The following EYS variants were observed in gnomAD, a reference collection of about 807,000 sequenced individuals.
The protein encoded by EYS is EGF-like photoreceptor maintenance factor.
EYS carries 250 observed loss-of-function variants against 282.1 expected under a neutral mutation model. That is an observed-to-expected ratio of 0.89 (90% confidence interval 0.80 to 0.98). The LOEUF is 0.98. Ranked by LOEUF, EYS falls within the 50% of genes least tolerant of loss-of-function variation. EYS has a pLI of 0.00. For missense variants in EYS, 4,016 were observed against 3,709.0 expected (o/e 1.08, Z -2.15); for synonymous variants, 1,355 against 1,282.9 (o/e 1.06, Z -1.20).
At chr6:63,887,314 GT>G (rs35622877) in intron 35 of EYS, among the ~76,000 whole-genome samples, 158 of 120,224 alleles carry the variant, frequency 1.3e-3, no homozygotes, top group African/African-American at 4.0e-3. Context: ...AATAAAAGGT[GT>G]TTTTTTTTTT....
At chr6:64,679,006 T>C (rs137913603) in intron 22 of EYS, among the ~76,000 whole-genome samples, 15 of 152,116 alleles carry the variant, frequency 9.9e-5, no homozygotes, top group African/African-American at 3.6e-4. Flanking sequence ...AACACTTTGA[T>C]TTTTTAAAAT....
At chr6:65,705,869 A>G (rs1056461745) in intron 1 of EYS, among the ~76,000 whole-genome samples, 4 of 152,116 alleles carry the variant, frequency 2.6e-5, no homozygotes, top group African/African-American at 7.2e-5. Context: ...TGAATTATTA[A>G]CAATTGCAAT....
chr6:65,438,716 G>C (rs948557942), intron 5 of EYS, among the ~76,000 whole-genome samples: 3 of 151,764 alleles, frequency 2.0e-5, no homozygotes, highest in Non-Finnish European at 4.4e-5. Context: ...TTTTTTTCTT[G>C]TAAGTTTGTT....
At chr6:64,779,680 T>C (rs1773797437) in intron 22 of EYS, among the ~76,000 whole-genome samples, 1 of 152,186 alleles carries the variant, frequency 6.6e-6, no homozygotes. Context: ...TCAATTATAA[T>C]GTGTCCCATG....
intron 12 of EYS, among the ~76,000 whole-genome samples, chr6:65,250,740 A>T (rs924377533): frequency 3.3e-5 from 5 of 151,914 alleles, no homozygotes; most frequent in African/African-American, 1.2e-4. Context: ...ACCCATGTAT[A>T]TTATCAAAAT....
chr6:65,542,335 T>A (rs1768197517), intron 2 of EYS, among the ~76,000 whole-genome samples: 1 of 152,186 alleles, frequency 6.6e-6, no homozygotes, highest in Non-Finnish European at 1.5e-5. Context: ...TTTTACAATA[T>A]ACCATTAAAT....
intron 12 of EYS, among the ~76,000 whole-genome samples, chr6:65,114,060 C>T (rs1169838916): frequency 1.3e-5 from 2 of 151,730 alleles, no homozygotes; most frequent in Non-Finnish European, 2.9e-5. Context: ...GATAACAAAA[C>T]GTATGAGAAA....
At chr6:64,028,761 G>A (rs1769663639) in intron 33 of EYS, among the ~76,000 whole-genome samples, 1 of 152,188 alleles carries the variant, frequency 6.6e-6, no homozygotes, top group Non-Finnish European at 1.5e-5. Context: ...ATATGTGGAT[G>A]ATTTACTTCT....
intron 2 of EYS, among the ~76,000 whole-genome samples, chr6:65,552,519 A>T (rs1461989050): frequency 6.6e-6 from 1 of 152,118 alleles, no homozygotes; most frequent in Non-Finnish European, 1.5e-5. Context: ...AATATTGCAC[A>T]AACTACCAAT....
At chr6:64,410,201 C>A (rs146981790) in intron 28 of EYS, among the ~76,000 whole-genome samples, 197 of 152,230 alleles carry the variant, frequency 1.3e-3, no homozygotes, top group African/African-American at 4.5e-3. Flanking sequence ...AACATTTTAT[C>A]TTTGCATCCA....
intron 33 of EYS, among the ~76,000 whole-genome samples, chr6:64,057,311 T>A (rs1771017977): frequency 6.6e-6 from 1 of 152,034 alleles, no homozygotes; most frequent in South Asian, 2.1e-4. Flanking sequence ...CATATATTGA[T>A]GAAGCATGAG....
intron 33 of EYS, among the ~76,000 whole-genome samples, chr6:64,036,927 A>G (rs1339882558): frequency 6.6e-6 from 1 of 152,200 alleles, no homozygotes; most frequent in African/African-American, 2.4e-5. Flanking sequence ...CATGATTTCA[A>G]CTATTCTTAG....
At chr6:64,395,482 G>A (rs138230212) in intron 28 of EYS, among the ~76,000 whole-genome samples, 4,722 of 152,150 alleles carry the variant, frequency 0.031, 233 homozygotes, top group African/African-American at 0.11. Flanking sequence ...GTCCTTTGTA[G>A]GGACATGGAT....
intron 14 of EYS, among the ~76,000 whole-genome samples, chr6:64,966,295 T>C (rs1177162396): frequency 6.6e-6 from 1 of 152,186 alleles, no homozygotes; most frequent in Non-Finnish European, 1.5e-5. Flanking sequence ...GGTTTGTTAG[T>C]ATGTTTTGTC....
At position 65,598,244 on chromosome 6, in the gene EYS, C is replaced by A. The variant is rs1427386226; in HGVS notation, c.-333+41534G>T. On this transcript the variant is annotated intron_variant, in intron 2 of 42. Coordinates refer to ENST00000503581, the MANE Select transcript of EYS (RefSeq NM_001142800.2). Reference sequence around the variant, plus strand: ...AAGACCCTCCTCCCCACCCACCCCCCCCCCAAAAAAAAAAACAAAAACTTT... The same window carrying A: ...AAGACCCTCCTCCCCACCCACCCCCACCCCAAAAAAAAAAACAAAAACTTT... Among the ~76,000 whole-genome samples, 15 of 89,960 alleles carry A rather than the reference C, an allele frequency of 1.7e-4. 1 individual carries two copies. Among genetic ancestry groups the A allele is most frequent in the South Asian group, 1.2e-3 (2 of 1,610 alleles). 59.0% of individuals were successfully genotyped at this position (89,960 alleles called of 152,430 possible).
intron 30 of EYS, among the ~76,000 whole-genome samples, chr6:64,304,293 GC>G (rs1206439953): frequency 6.6e-6 from 1 of 151,802 alleles, no homozygotes; most frequent in Non-Finnish European, 1.5e-5. Flanking sequence ...AATATATGAA[GC>G]AAAAAAGACA....
chr6:64,519,080 G>A (rs1337353172), intron 26 of EYS, among the ~76,000 whole-genome samples: 1 of 151,766 alleles, frequency 6.6e-6, no homozygotes, highest in African/African-American at 2.4e-5. Context: ...TGAATGCAGA[G>A]CCTCCAGGAA....
intron 31 of EYS, among the ~76,000 whole-genome samples, chr6:64,087,034 G>T: frequency 6.6e-6 from 1 of 152,126 alleles, no homozygotes; most frequent in East Asian, 1.9e-4. Flanking sequence ...GTTTGGATAT[G>T]AATTTGGATA....
chr6:63,829,273 A>C (rs1771558147), intron 36 of EYS, among the ~76,000 whole-genome samples: 1 of 152,038 alleles, frequency 6.6e-6, no homozygotes, highest in Non-Finnish European at 1.5e-5. Context: ...GTATCACCTC[A>C]CCCGGGAAAT....
Sources: allele counts gnomAD v4.1 joint callset (sites outside exome capture counted in the v4.1 genomes callset), GRCh38; gene constraint gnomAD v4.1.1; transcripts MANE v1.5; gene names NCBI Gene and HGNC (gene_info 2026-07-23, HGNC 2026-07-21).